Variants in RAP1B observed in about 807,000 individuals in gnomAD.
The protein encoded by RAP1B is RAP1B, member of RAS oncogene family, also known as ras-related protein Rap-1b.
Under a neutral mutation model 27.5 loss-of-function variants are expected in RAP1B, and 1 was observed. The observed-to-expected ratio is 0.04, with a 90% CI of 0.01 to 0.17. RAP1B has a LOEUF of 0.17. Ranked by LOEUF, RAP1B falls within the 10% of genes least tolerant of loss-of-function variation. RAP1B has a pLI of 1.00. For missense variants in RAP1B, 84 were observed against 214.8 expected (o/e 0.39, Z 3.81); for synonymous variants, 75 against 73.1 (o/e 1.03, Z -0.13).
At position 68,664,815 on chromosome 12, in the gene RAP1B, A is replaced by G. The variant is rs1237812372; in HGVS notation, c.*5566A>G. On this transcript the variant is annotated 3_prime_UTR_variant, in exon 8 of 8. Transcript: ENST00000250559. ...ATCAGATCTAATAACTTTTCTAACC[A>G]TAGGTGATTCTTCTTCCATTATCCA... 1 of 152,250 alleles carries G rather than the reference A, an allele frequency of 6.6e-6. No individual in the cohort carries two copies. Among genetic ancestry groups the G allele is most frequent in the African/African-American group, 2.4e-5 (1 of 41,470 alleles). The allele number at this position is 152,250 out of a possible 1,614,324, so 9.4% of individuals were successfully genotyped here. A position where few individuals can be genotyped will look rare whatever the true frequency, so the allele number is the denominator to read the frequency against.
intron 1 of RAP1B, among the ~76,000 whole-genome samples, chr12:68,625,947 A>G (rs186207627): frequency 6.6e-6 from 1 of 151,946 alleles, no homozygotes; most frequent in African/African-American, 2.4e-5. Context: ...TTTCAGGTGT[A>G]TTCAGGAGTG....
chr12:68,612,990 C>T (rs1870714022), intron 1 of RAP1B, among the ~76,000 whole-genome samples: 1 of 152,088 alleles, frequency 6.6e-6, no homozygotes, highest in African/African-American at 2.4e-5. Flanking sequence ...TTTAATATGC[C>T]AGGTATCAAA....
rs1874947261 is a variant in RAP1B, at chr12:68,668,638, T to G, written c.*9389T>G. ...TCTGAAATCATCCCTGCACAGACTT[T>G]CTTGGCTCTTCTTTTCTGCCGTCCT... On this transcript the variant is annotated 3_prime_UTR_variant, in exon 8 of 8. Coordinates refer to ENST00000250559, the MANE Select transcript of RAP1B (RefSeq NM_001010942.3). 6.6e-6 allele frequency: 1 copy of G among 152,210 alleles called. No homozygotes were observed. The highest frequency in any genetic ancestry group is 2.4e-5 in the African/African-American group (1 of 41,466). The allele number at this position is 152,210 out of a possible 1,614,324, so 9.4% of individuals were successfully genotyped here. A position where few individuals can be genotyped will look rare whatever the true frequency, so the allele number is the denominator to read the frequency against.
intron 1 of RAP1B, among the ~76,000 whole-genome samples, chr12:68,639,405 A>G (rs1455057090): frequency 2.6e-5 from 4 of 152,258 alleles, no homozygotes; most frequent in African/African-American, 7.2e-5. Context: ...TTCAAAGTTA[A>G]TGTTACTTTC....
chr12:68,614,089 G>A (rs1870809003), intron 1 of RAP1B, among the ~76,000 whole-genome samples: 1 of 152,204 alleles, frequency 6.6e-6, no homozygotes, highest in African/African-American at 2.4e-5. Flanking sequence ...TGCAAAGATT[G>A]ATAACATGGT....
rs975984254 is a variant in RAP1B, at chr12:68,663,987, G to T, written c.*4738G>T. ...TATATATAAATTTTTTTATTCATAG[G>T]TAATCTAATTTTTCTCATTTCTCCA... is the stretch of plus-strand genomic sequence containing the variant. On this transcript the variant is annotated 3_prime_UTR_variant, in exon 8 of 8. Coordinates refer to ENST00000250559, the MANE Select transcript of RAP1B (RefSeq NM_001010942.3). The T allele has an allele frequency of 2.6e-5, 4 of 152,010 alleles. No individual in the cohort carries two copies. The highest frequency in any genetic ancestry group is 5.9e-5 in the Non-Finnish European group (4 of 68,004). The allele number at this position is 152,010 out of a possible 1,614,324, so 9.4% of individuals were successfully genotyped here. A position where few individuals can be genotyped will look rare whatever the true frequency, so the allele number is the denominator to read the frequency against.
intron 1 of RAP1B, chr12:68,647,912 T>C (rs1353400339): frequency 6.6e-6 from 1 of 152,178 alleles, no homozygotes; most frequent in East Asian, 1.9e-4. Flanking sequence ...CAAAAAACTG[T>C]CATTTCTTGA....
chr12:68,621,900 C>T (rs1028820094), intron 1 of RAP1B, among the ~76,000 whole-genome samples: 2 of 152,230 alleles, frequency 1.3e-5, no homozygotes, highest in African/African-American at 4.8e-5. Context: ...GTGTACTTTT[C>T]TCTGGACCTT....
intron 1 of RAP1B, among the ~76,000 whole-genome samples, chr12:68,630,264 T>C (rs1298239000): frequency 1.3e-5 from 2 of 152,228 alleles, no homozygotes; most frequent in Non-Finnish European, 2.9e-5. Context: ...ATAACTATTT[T>C]AAGCCTTGTT....
chr12:68,624,642 C>A (rs1384467494), intron 1 of RAP1B: 1 of 152,032 alleles, frequency 6.6e-6, no homozygotes, highest in Non-Finnish European at 1.5e-5. Context: ...ATGGTGAAAC[C>A]CCATCTTTAC....
intron 5 of RAP1B, 99 bp downstream of exon 5, chr12:68,654,351 T>TC: frequency 6.1e-6 from 1 of 164,058 alleles, no homozygotes; most frequent in Non-Finnish European, 1.2e-5. Context: ...GTATTTTGGT[T>TC]GGGGGGGGGG....
At position 68,656,539 on chromosome 12, in the gene RAP1B, C is replaced by T. The variant is rs1024004142; in HGVS notation, c.468+90C>T. On this transcript the variant is annotated intron_variant, in intron 6 of 7. Transcript: ENST00000250559. ...TGTCTTAACCCCAAGTTAATATGTA[C>T]TCAGGGTAATATGTTGATGTTACAG... The T allele has an allele frequency of 2.3e-6, 3 of 1,317,528 alleles. No homozygotes were observed. The African/African-American group carries it at 4.4e-5, about 19-fold the overall frequency. The allele number at this position is 1,317,528 out of a possible 1,614,324, so 81.6% of individuals were successfully genotyped here.
rs1383031510 is a variant in RAP1B, at chr12:68,657,148, T to C, written c.516T>C (p.Pro172=). 6.2e-7 allele frequency: 1 copy of C among 1,613,632 alleles called. No individual in the cohort carries two copies. Among genetic ancestry groups the C allele is most frequent in the Non-Finnish European group, 8.5e-7 (1 of 1,179,692 alleles). ...VRQINRKTPV[P]GKARKKSSCQ... ...AAATTAACAGAAAAACTCCAGTGCC[T>C]GGGAAGGCTCGCAAAAAGTCATCAT... Residue 172 remains proline, a synonymous_variant, in exon 7 of 8, where the codon CCT becomes CCC. Coordinates refer to ENST00000250559, the MANE Select transcript of RAP1B (RefSeq NM_001010942.3).
intron 1 of RAP1B, among the ~76,000 whole-genome samples, chr12:68,619,748 A>G (rs913589388): frequency 2.6e-5 from 4 of 152,230 alleles, no homozygotes; most frequent in Admixed American, 6.5e-5. Context: ...GGAGCCATAG[A>G]TAAATGTGAA....
rs564545455 is a variant in RAP1B at position 68,671,423 on chromosome 12, A to C, written c.*12174A>C. 6.6e-5 allele frequency: 10 copies of C among 152,366 alleles called. No individual in the cohort carries two copies. The South Asian group carries it at 1.7e-3, about 25-fold the overall frequency. The allele number at this position is 152,366 out of a possible 1,614,324, so 9.4% of individuals were successfully genotyped here. On this transcript the variant is annotated 3_prime_UTR_variant, in exon 8 of 8. Coordinates refer to ENST00000250559, the MANE Select transcript of RAP1B (RefSeq NM_001010942.3). ...AGGAAAAACAGAGTGCATGCCCATC[A>C]ATAGAATAGTTGAATAAATTATGAT...
chr12:68,626,443 T>C (rs1434054387), intron 1 of RAP1B, among the ~76,000 whole-genome samples: 3 of 152,170 alleles, frequency 2.0e-5, no homozygotes, highest in Non-Finnish European at 4.4e-5. Flanking sequence ...TTATAGGGCG[T>C]TTTTGATGGT....
intron 1 of RAP1B, among the ~76,000 whole-genome samples, chr12:68,611,528 G>A (rs1229758337): frequency 6.6e-6 from 1 of 152,052 alleles, no homozygotes; most frequent in Non-Finnish European, 1.5e-5. Context: ...CCTTTGCGAA[G>A]ACCTAGCTTC....
At chr12:68,644,053 A>G (rs555436347) in intron 1 of RAP1B, among the ~76,000 whole-genome samples, 1 of 152,276 alleles carries the variant, frequency 6.6e-6, no homozygotes, top group East Asian at 1.9e-4. Flanking sequence ...TACAGTCTGC[A>G]TAACTTGAGG....
chr12:68,622,014 T>C (rs1452931080), intron 1 of RAP1B, among the ~76,000 whole-genome samples: 1 of 152,210 alleles, frequency 6.6e-6, no homozygotes, highest in African/African-American at 2.4e-5. Flanking sequence ...TTGTTTTAAG[T>C]AGTTAGACCT....
Sources: allele counts gnomAD v4.1 joint callset (sites outside exome capture counted in the v4.1 genomes callset), GRCh38; gene constraint gnomAD v4.1.1; transcripts MANE v1.5; gene names NCBI Gene and HGNC (gene_info 2026-07-23, HGNC 2026-07-21).